SLC24A3: variants seen among roughly 807,000 people sequenced by gnomAD.
SLC24A3 encodes sodium/potassium/calcium exchanger 3.
A neutral mutation model predicts 75.8 loss-of-function variants in SLC24A3; 28 were observed. That is an observed-to-expected ratio of 0.37 (90% CI 0.27 to 0.51). The LOEUF is 0.51. Among genes scored for constraint, SLC24A3 ranks in the 20% least tolerant of loss-of-function variants. The probability of loss-of-function intolerance (pLI) is 0.94; values close to 1 mark genes in which losing one functional copy is unlikely to be tolerated. For missense variants in SLC24A3, 663 were observed against 847.8 expected (o/e 0.78, Z 2.71); for synonymous variants, 372 against 334.1 (o/e 1.11, Z -1.24).
chr20:19,226,165 A>T (rs1383767844), intron 1 of SLC24A3, among the ~76,000 whole-genome samples: 1 of 152,262 alleles, frequency 6.6e-6, no homozygotes, highest in Admixed American at 6.5e-5. Flanking sequence ...TCATGTATCA[A>T]TTGATATGCT....
intron 2 of SLC24A3, among the ~76,000 whole-genome samples, chr20:19,423,013 C>T (rs1437319117): frequency 6.6e-6 from 1 of 152,220 alleles, no homozygotes; most frequent in Non-Finnish European, 1.5e-5. Context: ...TACTTTAATT[C>T]CCAAGCTTCA....
At chr20:19,417,467 C>A (rs1986847171) in intron 2 of SLC24A3, among the ~76,000 whole-genome samples, 1 of 152,134 alleles carries the variant, frequency 6.6e-6, no homozygotes, top group Non-Finnish European at 1.5e-5. Context: ...AAGCGTGATA[C>A]CTCATCAGTG....
intron 12 of SLC24A3, among the ~76,000 whole-genome samples, chr20:19,688,816 T>C (rs182798666): frequency 6.6e-6 from 1 of 152,328 alleles, no homozygotes; most frequent in East Asian, 1.9e-4. Flanking sequence ...TATGTACATA[T>C]ATGTACAGTG....
intron 1 of SLC24A3, among the ~76,000 whole-genome samples, chr20:19,255,818 A>C (rs896658197): frequency 1.3e-5 from 2 of 152,202 alleles, no homozygotes; most frequent in African/African-American, 4.8e-5. Context: ...TTTATCGGTC[A>C]AGTGCAGTGG....
At chr20:19,217,699 T>C (rs544771030) in intron 1 of SLC24A3, among the ~76,000 whole-genome samples, 7 of 152,302 alleles carry the variant, frequency 4.6e-5, no homozygotes, top group African/African-American at 1.7e-4. Context: ...TGCTGGAATC[T>C]CCAGCTTTGT....
intron 2 of SLC24A3, among the ~76,000 whole-genome samples, chr20:19,417,090 G>A (rs1052004962): frequency 3.5e-4 from 54 of 152,196 alleles, no homozygotes; most frequent in African/African-American, 1.3e-3. Context: ...CACAAAGGCC[G>A]ATGGCAGGGG....
chr20:19,626,294 A>G (rs1240512689), intron 6 of SLC24A3, among the ~76,000 whole-genome samples: 2 of 152,194 alleles, frequency 1.3e-5, no homozygotes, highest in Non-Finnish European at 2.9e-5. Context: ...GGCTCAGATC[A>G]GGGAAGTACC....
intron 2 of SLC24A3, among the ~76,000 whole-genome samples, chr20:19,334,269 A>C (rs1183480923): frequency 1.3e-5 from 2 of 152,218 alleles, no homozygotes; most frequent in Admixed American, 6.5e-5. Flanking sequence ...GTGCAGTCAA[A>C]TGTTGTCCTT....
At chr20:19,544,417 C>A (rs761024225) in intron 3 of SLC24A3, among the ~76,000 whole-genome samples, 1 of 152,054 alleles carries the variant, frequency 6.6e-6, no homozygotes, top group African/African-American at 2.4e-5. Flanking sequence ...TGTTACACAG[C>A]AAGAGAATCA....
chr20:19,633,615 C>G (rs1220395973), intron 6 of SLC24A3, among the ~76,000 whole-genome samples: 1 of 140,478 alleles, frequency 7.1e-6, no homozygotes, highest in African/African-American at 2.7e-5. Flanking sequence ...CGCCACTGCA[C>G]TCCAGCCTGG....
chr20:19,534,899 T>C (rs2030368958), intron 3 of SLC24A3, among the ~76,000 whole-genome samples: 1 of 152,238 alleles, frequency 6.6e-6, no homozygotes, highest in South Asian at 2.1e-4. Flanking sequence ...AGGTATTGTA[T>C]AGAAAATGAG....
At chr20:19,558,555 C>A (rs897829910) in intron 3 of SLC24A3, among the ~76,000 whole-genome samples, 1 of 152,098 alleles carries the variant, frequency 6.6e-6, no homozygotes, top group Admixed American at 6.6e-5. Flanking sequence ...TAGTAGCCTC[C>A]TCTCCATGTC....
intron 2 of SLC24A3, among the ~76,000 whole-genome samples, chr20:19,421,848 G>A (rs559803899): frequency 5.3e-5 from 8 of 152,184 alleles, no homozygotes; most frequent in African/African-American, 9.7e-5. Flanking sequence ...CAAAATGCAC[G>A]AACTTCCGGA....
intron 2 of SLC24A3, chr20:19,355,283 T>G (rs1308945062): frequency 1.3e-5 from 2 of 152,226 alleles, no homozygotes; most frequent in Non-Finnish European, 2.9e-5. Context: ...ACTAGCTCGG[T>G]TCTTATGTTA....
intron 1 of SLC24A3, among the ~76,000 whole-genome samples, chr20:19,237,880 G>A (rs1300224657): frequency 5.3e-5 from 8 of 152,058 alleles, no homozygotes; most frequent in African/African-American, 7.2e-5. Context: ...CACGTCTGTC[G>A]GTTTTACTTT....
At chr20:19,597,398 C>G (rs971061288) in intron 6 of SLC24A3, among the ~76,000 whole-genome samples, 4 of 151,954 alleles carry the variant, frequency 2.6e-5, no homozygotes, top group African/African-American at 9.7e-5. Flanking sequence ...ATAAAAATAA[C>G]CCCAAAAATA....
intron 2 of SLC24A3, among the ~76,000 whole-genome samples, chr20:19,360,622 G>A (rs893903196): frequency 6.6e-6 from 1 of 152,262 alleles, no homozygotes; most frequent in African/African-American, 2.4e-5. Context: ...TTAACATGTG[G>A]ATATTACAAC....
chr20:19,463,243 C>G (rs531274605), intron 2 of SLC24A3, among the ~76,000 whole-genome samples: 16 of 152,346 alleles, frequency 1.1e-4, no homozygotes, highest in Non-Finnish European at 2.1e-4. Context: ...CGTAAACACA[C>G]TGCATCCTTG....
chr20:19,364,157 G>A (rs1158559683), intron 2 of SLC24A3, among the ~76,000 whole-genome samples: 1 of 152,168 alleles, frequency 6.6e-6, no homozygotes, highest in Non-Finnish European at 1.5e-5. Flanking sequence ...GAGATATCTG[G>A]TGTTTGGAGA....
Sources: gnomAD v4.1 joint callset for allele counts (sites outside exome capture counted in the v4.1 genomes callset) on GRCh38, gnomAD v4.1.1 for gene constraint, MANE v1.5 for transcripts, NCBI Gene and HGNC (gene_info 2026-07-23, HGNC 2026-07-21) for gene names.